Variants in GRID2 observed in about 807,000 individuals in gnomAD.
The protein encoded by GRID2 is glutamate ionotropic receptor delta type subunit 2.
A neutral mutation model predicts 114.8 loss-of-function variants in GRID2; 33 were observed. The observed-to-expected ratio is 0.29, with a 90% confidence interval of 0.22 to 0.38. GRID2 has a LOEUF of 0.38. GRID2 is among the 10% of genes least tolerant of loss of function. The pLI is 1.00. For missense variants in GRID2, 1,184 were observed against 1,257.7 expected (o/e 0.94, Z 0.89); for synonymous variants, 505 against 449.9 (o/e 1.12, Z -1.55).
At chr4:93,759,002 G>A (rs924691098) in intron 14 of GRID2, among the ~76,000 whole-genome samples, 1 of 151,384 alleles carries the variant, frequency 6.6e-6, no homozygotes, top group Admixed American at 6.6e-5. Context: ...GCCATTGTCT[G>A]GGTCTTCTCA....
intron 9 of GRID2, among the ~76,000 whole-genome samples, chr4:93,405,069 C>T (rs1264705302): frequency 6.6e-6 from 1 of 151,950 alleles, no homozygotes; most frequent in Admixed American, 6.6e-5. Context: ...CAACTCTGAT[C>T]CAGTGTAAAG....
chr4:93,413,676 A>G (rs958543169), intron 9 of GRID2, among the ~76,000 whole-genome samples: 5 of 152,142 alleles, frequency 3.3e-5, no homozygotes, highest in Admixed American at 6.6e-5. Context: ...ATTCACCCTC[A>G]ATGGTTGCTG....
intron 8 of GRID2, among the ~76,000 whole-genome samples, chr4:93,337,949 C>G (rs1759255414): frequency 1.3e-5 from 2 of 152,196 alleles, no homozygotes. Context: ...CCTAGTCCCT[C>G]TCCTCAGAAG....
intron 4 of GRID2, among the ~76,000 whole-genome samples, chr4:93,182,926 T>C (rs972220371): frequency 6.6e-6 from 1 of 152,230 alleles, no homozygotes; most frequent in Non-Finnish European, 1.5e-5. Context: ...AATCAGAAGT[T>C]CTGGGAGTGG....
intron 2 of GRID2, among the ~76,000 whole-genome samples, chr4:92,651,109 A>G (rs1254365692): frequency 1.3e-5 from 2 of 152,128 alleles, no homozygotes; most frequent in African/African-American, 4.8e-5. Context: ...AAGGAATTCT[A>G]TAAGTGCATA....
At chr4:92,637,651 G>A (rs374163911) in intron 2 of GRID2, among the ~76,000 whole-genome samples, 35 of 152,070 alleles carry the variant, frequency 2.3e-4, no homozygotes, top group South Asian at 8.3e-4. Context: ...GAGAGAGCAA[G>A]GATATTGAAC....
At position 93,302,018 on chromosome 4, in the gene GRID2, G is replaced by A. The variant is rs558956521; in HGVS notation, c.1245+63528G>A. Among the ~76,000 whole-genome samples the A allele has an allele frequency of 1.4e-4, 21 of 152,208 alleles. No individual in the cohort carries two copies. The South Asian group carries it at 4.1e-3, about 30-fold the overall frequency. On this transcript the variant is annotated intron_variant, in intron 8 of 15. Coordinates refer to ENST00000282020, the MANE Select transcript of GRID2 (RefSeq NM_001510.4). ...CTAGTAAAGATAATTACACTGTAGT[G>A]TATAAGAGGAACTATGAAACACACC...
intron 8 of GRID2, among the ~76,000 whole-genome samples, chr4:93,259,695 G>T (rs890369728): frequency 6.6e-6 from 1 of 151,560 alleles, no homozygotes; most frequent in Non-Finnish European, 1.5e-5. Context: ...TGAATGTAAC[G>T]GTTACATGTA....
intron 2 of GRID2, among the ~76,000 whole-genome samples, chr4:92,859,432 A>G (rs761678300): frequency 3.3e-5 from 5 of 152,188 alleles, no homozygotes; most frequent in Non-Finnish European, 7.3e-5. Context: ...CTTTATAGCT[A>G]TATTTTGGAA....
chr4:93,155,498 T>G (rs1180550419), intron 4 of GRID2, among the ~76,000 whole-genome samples: 1 of 151,978 alleles, frequency 6.6e-6, no homozygotes, highest in Non-Finnish European at 1.5e-5. Context: ...CTTAACAAAT[T>G]TTATTGTAAT....
chr4:92,546,537 G>A lies in GRID2; in HGVS notation c.89-43594G>A, dbSNP rs577878748. ...GTCTTCTAATGTTTAAAATTATACT[G>A]ATGCATGTGTGTGTGTGCGCGCGCG... On this transcript the variant is annotated intron_variant, in intron 1 of 15. Coordinates refer to ENST00000282020, the MANE Select transcript of GRID2 (RefSeq NM_001510.4). Among the ~76,000 whole-genome samples, 206 of 152,244 alleles carry A rather than the reference G, an allele frequency of 1.4e-3. 1 individual carries two copies. Among genetic ancestry groups the A allele is most frequent in the African/African-American group, 4.6e-3 (190 of 41,560 alleles).
At chr4:92,920,906 T>C (rs1225388736) in intron 2 of GRID2, among the ~76,000 whole-genome samples, 1 of 152,214 alleles carries the variant, frequency 6.6e-6, no homozygotes, top group African/African-American at 2.4e-5. Flanking sequence ...CCTTGCTAGA[T>C]TGGGGAAGTT....
intron 2 of GRID2, among the ~76,000 whole-genome samples, chr4:93,033,759 G>A (rs1478694965): frequency 6.6e-6 from 1 of 151,810 alleles, no homozygotes; most frequent in Non-Finnish European, 1.5e-5. Context: ...AGGTCTGTTT[G>A]TGGATGCTTT....
chr4:92,955,641 T>A (rs1752349852), intron 2 of GRID2, among the ~76,000 whole-genome samples: 1 of 152,164 alleles, frequency 6.6e-6, no homozygotes, highest in African/African-American at 2.4e-5. Context: ...TTTGTCAATT[T>A]TGGCTTTTGT....
chr4:92,909,329 A>G (rs1028354023), intron 2 of GRID2, among the ~76,000 whole-genome samples: 1 of 151,744 alleles, frequency 6.6e-6, no homozygotes, highest in East Asian at 1.9e-4. Context: ...TCTCTCCTAT[A>G]TATCTCTAAT....
chr4:92,736,748 A>G (rs1322737673), intron 2 of GRID2, among the ~76,000 whole-genome samples: 1 of 152,112 alleles, frequency 6.6e-6, no homozygotes, highest in African/African-American at 2.4e-5. Flanking sequence ...ATGGGCCCTA[A>G]ACATTTCAAC....
intron 1 of GRID2, among the ~76,000 whole-genome samples, chr4:92,476,722 T>C (rs1722332127): frequency 6.6e-6 from 1 of 152,318 alleles, no homozygotes; most frequent in African/African-American, 2.4e-5. Context: ...TTTAAAGCTG[T>C]ATTCTAAAAA....
intron 2 of GRID2, among the ~76,000 whole-genome samples, chr4:93,082,235 A>T (rs1047082780): frequency 1.3e-5 from 2 of 152,158 alleles, no homozygotes; most frequent in African/African-American, 2.4e-5. Flanking sequence ...CCTTTCAACA[A>T]ACTTGACAAT....
chr4:93,268,468 CACAA>C (rs1431731106), intron 8 of GRID2, among the ~76,000 whole-genome samples: 3 of 152,126 alleles, frequency 2.0e-5, no homozygotes, highest in African/African-American at 4.8e-5. Context: ...TTGAGGTGGA[CACAA>C]ACATTCAGTC....
Sources: gnomAD v4.1 joint callset for allele counts (sites outside exome capture counted in the v4.1 genomes callset) on GRCh38, gnomAD v4.1.1 for gene constraint, MANE v1.5 for transcripts, NCBI Gene and HGNC (gene_info 2026-07-23, HGNC 2026-07-21) for gene names.